The following ROBO2 variants were observed in gnomAD, a reference collection of about 807,000 sequenced individuals.
ROBO2 encodes the protein roundabout homolog 2.
A neutral mutation model predicts 160.8 loss-of-function variants in ROBO2; 53 were observed. The ratio of observed to expected loss-of-function variants is 0.33; its 90% CI spans 0.26 to 0.41. The LOEUF (loss-of-function observed/expected upper bound fraction) is 0.41, where lower values mean the gene tolerates loss of function less well. Ranked by LOEUF, ROBO2 falls within the 10% of genes least tolerant of loss-of-function variation. ROBO2 has a pLI of 1.00. For missense variants in ROBO2, 1,577 were observed against 1,722.4 expected, an observed-to-expected ratio of 0.92 and a Z score of 1.49; for synonymous variants, 664 against 611.7, an observed-to-expected ratio of 1.09 and a Z score of -1.26.
chr3:76,330,231 A>T (rs528537862), intron 2 of ROBO2, among the ~76,000 whole-genome samples: 89 of 152,324 alleles, frequency 5.8e-4, no homozygotes, highest in Non-Finnish European at 1.1e-3. Context: ...AGATAGAGAT[A>T]CACCCAATTA....
intron 2 of ROBO2, among the ~76,000 whole-genome samples, chr3:76,922,313 A>G (rs2076718736): frequency 6.6e-6 from 1 of 152,212 alleles, no homozygotes; most frequent in South Asian, 2.1e-4. Flanking sequence ...TCCATCAATT[A>G]TTACTGAATG....
intron 2 of ROBO2, among the ~76,000 whole-genome samples, chr3:76,742,696 A>AT (rs1201727575): frequency 4.6e-5 from 7 of 151,666 alleles, no homozygotes; most frequent in East Asian, 1.9e-4. Flanking sequence ...GTATTATGCT[A>AT]TTTTTTTTCT....
intron 2 of ROBO2, among the ~76,000 whole-genome samples, chr3:77,306,785 G>A (rs2063132099): frequency 6.6e-6 from 1 of 152,174 alleles, no homozygotes; most frequent in Non-Finnish European, 1.5e-5. Context: ...TCAGAGGAAT[G>A]TTTAATCTTA....
intron 2 of ROBO2, among the ~76,000 whole-genome samples, chr3:76,301,106 T>C (rs1259379313): frequency 1.3e-5 from 2 of 152,074 alleles, no homozygotes; most frequent in Non-Finnish European, 2.9e-5. Context: ...TATCAGATGT[T>C]AAGATTGACC....
At chr3:77,542,607 G>C (rs955677695) in intron 6 of ROBO2, among the ~76,000 whole-genome samples, 1 of 152,130 alleles carries the variant, frequency 6.6e-6, no homozygotes, top group Admixed American at 6.5e-5. Context: ...CCAGTATTGG[G>C]TAAAAGTTCC....
exon 10 of ROBO2, chr3:77,562,673 C>T (rs1332718328): frequency 2.5e-6 from 4 of 1,612,404 alleles, no homozygotes; most frequent in Non-Finnish European, 3.4e-6. Context: ...GGCACTTATA[C>T]TTGTGTGGCT....
At chr3:77,277,316 C>A (rs1242356622) in intron 2 of ROBO2, among the ~76,000 whole-genome samples, 1 of 150,872 alleles carries the variant, frequency 6.6e-6, no homozygotes, top group African/African-American at 2.4e-5. Context: ...ATTTTAAGTT[C>A]AGGTGTACAT....
chr3:76,373,011 G>A (rs1484101200), intron 2 of ROBO2, among the ~76,000 whole-genome samples: 1 of 152,010 alleles, frequency 6.6e-6, no homozygotes, highest in African/African-American at 2.4e-5. Flanking sequence ...AGTTCCATAT[G>A]TGAGCATCAG....
chr3:77,234,155 A>G (rs2087612603), intron 2 of ROBO2, among the ~76,000 whole-genome samples: 1 of 152,140 alleles, frequency 6.6e-6, no homozygotes, highest in Non-Finnish European at 1.5e-5. Context: ...GGGCTGGCTT[A>G]GGACAGGATC....
intron 2 of ROBO2, among the ~76,000 whole-genome samples, chr3:76,284,196 A>G (rs574779764): frequency 1.8e-4 from 27 of 152,068 alleles, no homozygotes; most frequent in Non-Finnish European, 3.5e-4. Flanking sequence ...TAGCGTACAC[A>G]TATAGGAAAA....
At chr3:76,645,210 TA>T (rs1162387001) in intron 2 of ROBO2, among the ~76,000 whole-genome samples, 1 of 152,222 alleles carries the variant, frequency 6.6e-6, no homozygotes, top group Non-Finnish European at 1.5e-5. Flanking sequence ...GCTGCTATTT[TA>T]AGACCTAAAA....
At chr3:75,911,974 G>T (rs575043022) in intron 1 of ROBO2, among the ~76,000 whole-genome samples, 1 of 152,142 alleles carries the variant, frequency 6.6e-6, no homozygotes, top group Non-Finnish European at 1.5e-5. Flanking sequence ...GTAGAAATTT[G>T]ATAGTATTTT....
At chr3:76,635,840 A>T (rs1188994037) in intron 2 of ROBO2, among the ~76,000 whole-genome samples, 1 of 152,228 alleles carries the variant, frequency 6.6e-6, no homozygotes, top group Non-Finnish European at 1.5e-5. Context: ...TAGAACACTG[A>T]CTTTGGCTTA....
At chr3:77,081,775 G>T (rs772827368) in intron 1 of ROBO2, among the ~76,000 whole-genome samples, 2 of 152,182 alleles carry the variant, frequency 1.3e-5, no homozygotes, top group Non-Finnish European at 2.9e-5. Context: ...TATAAATGGA[G>T]ATGTAGACAC....
At position 76,334,141 on chromosome 3, in the gene ROBO2, T is replaced by TA. The variant is rs765581758; in HGVS notation, c.109+396546dup. Reference sequence around the variant, plus strand: ...ATGTACCCTAGAACTTAAAGTATAATAAAAAAATATATATATATACATATA... The same window carrying TA: ...ATGTACCCTAGAACTTAAAGTATAATAAAAAAAATATATATATATACATATA... On this transcript the variant is annotated intron_variant, in intron 2 of 26. Coordinates refer to the ROBO2 transcript ENST00000487694. 3.4e-4 allele frequency among the ~76,000 whole-genome samples: 52 copies of TA among 151,966 alleles called. 1 individual carries two copies. The highest frequency in any genetic ancestry group is 5.9e-4 in the Non-Finnish European group (40 of 68,000).
At chr3:77,248,844 T>C (rs1363109174) in intron 2 of ROBO2, among the ~76,000 whole-genome samples, 1 of 151,096 alleles carries the variant, frequency 6.6e-6, no homozygotes, top group Admixed American at 6.6e-5. Context: ...AACATAAATA[T>C]TTTGGAATAT....
At chr3:76,221,208 A>T (rs1575956753) in intron 2 of ROBO2, among the ~76,000 whole-genome samples, 2 of 152,214 alleles carry the variant, frequency 1.3e-5, no homozygotes, top group South Asian at 4.1e-4. Flanking sequence ...AGATAAAGTC[A>T]TGAGCATGGG....
chr3:77,271,108 TATC>T (rs1482086324), intron 2 of ROBO2, among the ~76,000 whole-genome samples: 5 of 152,252 alleles, frequency 3.3e-5, no homozygotes, highest in East Asian at 1.9e-4. Flanking sequence ...CACTATATGT[TATC>T]ATTATTTTGT....
chr3:77,464,693 T>TTA (rs1553968312), intron 2 of ROBO2, among the ~76,000 whole-genome samples: 2 of 151,920 alleles, frequency 1.3e-5, no homozygotes, highest in African/African-American at 4.8e-5. Context: ...GATTTTTTTT[T>TTA]AATTTCAGAA....
Sources: allele counts gnomAD v4.1 joint callset (sites outside exome capture counted in the v4.1 genomes callset), GRCh38; gene constraint gnomAD v4.1.1; transcripts MANE v1.5; gene names NCBI Gene and HGNC (gene_info 2026-07-23, HGNC 2026-07-21).